The following KIAA1217 variants were observed in gnomAD, a reference collection of about 807,000 sequenced individuals.
KIAA1217 encodes sickle tail protein homolog.
A neutral mutation model predicts 163.9 loss-of-function variants in KIAA1217; 88 were observed. The ratio of observed to expected loss-of-function variants is 0.54; its 90% CI spans 0.45 to 0.64. KIAA1217 has a LOEUF of 0.64. Ranked by LOEUF, KIAA1217 falls within the 30% of genes least tolerant of loss-of-function variation. The pLI is 0.00. For synonymous variants in KIAA1217, 903 were observed against 923.1 expected (o/e 0.98, Z 0.39); for missense variants, 2,372 against 2,475.0 (o/e 0.96, Z 0.88).
chr10:24,024,134 T>C (rs942496406), intron 2 of KIAA1217, among the ~76,000 whole-genome samples: 1 of 151,686 alleles, frequency 6.6e-6, no homozygotes, highest in Non-Finnish European at 1.5e-5. Context: ...TTAATCAGCT[T>C]TATTGAGCTA....
At chr10:23,951,666 C>G (rs1296133373) in intron 1 of KIAA1217, among the ~76,000 whole-genome samples, 3 of 152,002 alleles carry the variant, frequency 2.0e-5, no homozygotes, top group African/African-American at 7.2e-5. Context: ...GAGGACGATT[C>G]CAGCTCAGTT....
At chr10:24,420,529 G>T (rs942912682) in intron 3 of KIAA1217, among the ~76,000 whole-genome samples, 2 of 151,872 alleles carry the variant, frequency 1.3e-5, no homozygotes, top group South Asian at 4.2e-4. Flanking sequence ...AGTTTAATTA[G>T]GTAATATTTT....
intron 3 of KIAA1217, among the ~76,000 whole-genome samples, chr10:24,423,369 CT>C (rs1259519339): frequency 6.6e-6 from 1 of 152,108 alleles, no homozygotes; most frequent in Non-Finnish European, 1.5e-5. Context: ...ATTGCAGCCA[CT>C]GCCTTCTGAG....
At chr10:23,774,325 G>GAT (rs1210705596) in intron 1 of KIAA1217, among the ~76,000 whole-genome samples, 1 of 152,212 alleles carries the variant, frequency 6.6e-6, no homozygotes, top group Non-Finnish European at 1.5e-5. Context: ...CTGTGTTGCT[G>GAT]GTGTGTGGGC....
intron 1 of KIAA1217, among the ~76,000 whole-genome samples, chr10:23,866,078 C>A (rs1840167638): frequency 6.6e-6 from 1 of 152,086 alleles, no homozygotes; most frequent in Non-Finnish European, 1.5e-5. Context: ...TTCTTCCATA[C>A]AAACATCAAA....
At chr10:24,360,898 G>GT (rs11324429) in intron 2 of KIAA1217, among the ~76,000 whole-genome samples, 1,764 of 146,978 alleles carry the variant, frequency 0.012, 6 homozygotes, top group Non-Finnish European at 0.013. Context: ...ATGCTAAGTG[G>GT]TTTTTTTTTT....
chr10:23,912,842 C>T (rs903920872), intron 1 of KIAA1217, among the ~76,000 whole-genome samples: 8 of 152,106 alleles, frequency 5.3e-5, no homozygotes, highest in Non-Finnish European at 8.8e-5. Context: ...TGGGAGGAAA[C>T]GGAGAGCAAT....
rs545553547 is a variant in KIAA1217, at chr10:24,484,673, C to G, written c.1680-9827C>G. Among the ~76,000 whole-genome samples the G allele has an allele frequency of 7.7e-4, 117 of 152,238 alleles. 1 individual carries two copies. The highest frequency in any genetic ancestry group is 2.7e-3 in the African/African-American group (114 of 41,546). ...CTCCTGGGCTTAAGCAAGCCTCCCC[C>G]ACCTCAGCCTCCCAAAATTTGGGGA... On this transcript the variant is annotated intron_variant, in intron 6 of 20. Transcript: ENST00000376454.
At chr10:24,269,469 A>G (rs1817553983) in intron 2 of KIAA1217, among the ~76,000 whole-genome samples, 1 of 152,162 alleles carries the variant, frequency 6.6e-6, no homozygotes, top group Non-Finnish European at 1.5e-5. Flanking sequence ...GGCTGCTGTG[A>G]GCCATGACCG....
At chr10:24,032,427 T>C (rs938044952) in intron 2 of KIAA1217, among the ~76,000 whole-genome samples, 6 of 152,102 alleles carry the variant, frequency 3.9e-5, no homozygotes, top group African/African-American at 1.4e-4. Context: ...TTGTATTTCT[T>C]GTAGAGATGG....
intron 1 of KIAA1217, among the ~76,000 whole-genome samples, chr10:23,987,467 G>C (rs1343838527): frequency 6.7e-6 from 1 of 148,632 alleles, no homozygotes; most frequent in Non-Finnish European, 1.5e-5. Flanking sequence ...TTATGTTCAT[G>C]TGTAATAATT....
rs2075338882 is a variant in KIAA1217 at position 24,543,395 on chromosome 10, A to AGAAAATGCAGCCACTGAC, written c.4126_4143dup (p.Glu1376_Asp1381dup). 6.2e-7 allele frequency: 1 copy of AGAAAATGCAGCCACTGAC among 1,614,094 alleles called. No individual in the cohort carries two copies. The highest frequency in any genetic ancestry group is 1.3e-5 in the African/African-American group (1 of 74,926). On this transcript the variant is annotated inframe_insertion, in exon 19 of 21. Transcript: ENST00000376454. ...AATCAAGTTCAAGTTCTCCCACTGA[A>AGAAAATGCAGCCACTGAC]GAAAATGCAGCCACTGACAATATTG...
intron 2 of KIAA1217, among the ~76,000 whole-genome samples, chr10:24,240,814 T>C (rs1157069964): frequency 2.0e-5 from 3 of 152,156 alleles, no homozygotes; most frequent in Non-Finnish European, 1.5e-5. Context: ...CTTCCTCTTA[T>C]CATTACAAGT....
intron 10 of KIAA1217, among the ~76,000 whole-genome samples, chr10:24,514,403 G>C (rs146206366): frequency 6.6e-6 from 1 of 152,118 alleles, no homozygotes; most frequent in African/African-American, 2.4e-5. Flanking sequence ...GCTGTGGCTC[G>C]TGTCGCCCTG....
At chr10:23,896,269 A>T (rs1013908205) in intron 1 of KIAA1217, among the ~76,000 whole-genome samples, 1 of 152,026 alleles carries the variant, frequency 6.6e-6, no homozygotes, top group Non-Finnish European at 1.5e-5. Flanking sequence ...CCACAGAATT[A>T]AATTTATATT....
intron 9 of KIAA1217, among the ~76,000 whole-genome samples, chr10:24,511,642 C>T (rs781590776): frequency 6.6e-6 from 1 of 151,814 alleles, no homozygotes; most frequent in Non-Finnish European, 1.5e-5. Context: ...AGTGAAACTC[C>T]ATCTCAAAAA....
At chr10:24,099,790 C>T (rs1424779039) in intron 2 of KIAA1217, among the ~76,000 whole-genome samples, 1 of 140,764 alleles carries the variant, frequency 7.1e-6, no homozygotes, top group Non-Finnish European at 1.5e-5. Context: ...CTTCCTGTGT[C>T]CAAGTGTTCT....
At chr10:24,193,847 A>C (rs111340773) in intron 2 of KIAA1217, among the ~76,000 whole-genome samples, 184 of 135,606 alleles carry the variant, frequency 1.4e-3, no homozygotes, top group Non-Finnish European at 1.8e-3. Flanking sequence ...CACACACACA[A>C]AGCAGTCACG....
intron 17 of KIAA1217, 112 bp downstream of exon 17, chr10:24,537,005 C>CT (rs1366221877): frequency 6.6e-5 from 86 of 1,296,218 alleles, no homozygotes; most frequent in Admixed American, 1.4e-4. Flanking sequence ...TTTTCTCTCT[C>CT]TTTTTTTTAA....
Sources: gnomAD v4.1 joint callset for allele counts (sites outside exome capture counted in the v4.1 genomes callset) on GRCh38, gnomAD v4.1.1 for gene constraint, MANE v1.5 for transcripts, NCBI Gene and HGNC (gene_info 2026-07-23, HGNC 2026-07-21) for gene names.